The following DRC11 variants were observed in gnomAD, a reference collection of about 807,000 sequenced individuals.
The protein encoded by DRC11 is IQ and AAA domain-containing protein 1.
At chr2:236,331,689 G>A in the DRC11 span, 1 of 913,006 alleles carries the variant, frequency 1.1e-6, no homozygotes, top group Non-Finnish European at 1.7e-6. This position sits in a 1 kb window ranked among gnomAD's most constrained non-coding sequence, Gnocchi z 4.8. Flanking sequence ...ATCTCATCAA[G>A]AAAGGAATAC....
chr2:236,347,363 C>T, the DRC11 span, among the ~76,000 whole-genome samples: 6,177 of 151,916 alleles, frequency 0.041, 411 homozygotes, highest in African/African-American at 0.14. Flanking sequence ...TCCAGCAATC[C>T]CACTACTGTA....
At chr2:236,333,307 G>A in the DRC11 span, 3 of 152,426 alleles carry the variant, frequency 2.0e-5, no homozygotes, top group African/African-American at 4.8e-5. This position sits in a 1 kb window ranked among gnomAD's most constrained non-coding sequence, Gnocchi z 6.0. Flanking sequence ...TTTGTGTAGC[G>A]ATGGATGGCA....
the DRC11 span, among the ~76,000 whole-genome samples, chr2:236,406,880 G>A: frequency 6.6e-6 from 1 of 151,808 alleles, no homozygotes; most frequent in South Asian, 2.1e-4. The surrounding 1 kb of genome is among the most constrained non-coding windows in gnomAD (Gnocchi z 4.7). Flanking sequence ...CAAGTAGCTG[G>A]GACTACAGGC....
At chr2:236,469,645 A>G in the DRC11 span, among the ~76,000 whole-genome samples, 1 of 152,228 alleles carries the variant, frequency 6.6e-6, no homozygotes, top group Admixed American at 6.5e-5. This position sits in a 1 kb window ranked among gnomAD's most constrained non-coding sequence, Gnocchi z 5.8. Flanking sequence ...TGACAAAAAT[A>G]CATTTGGGTA....
the DRC11 span, among the ~76,000 whole-genome samples, chr2:236,315,759 A>G: frequency 6.6e-6 from 1 of 152,202 alleles, no homozygotes; most frequent in Non-Finnish European, 1.5e-5. The surrounding 1 kb of genome is among the most constrained non-coding windows in gnomAD (Gnocchi z 5.1). Context: ...AGGAACAGAA[A>G]ACCAAACACC....
At chr2:236,491,219 GTATA>G in the DRC11 span, among the ~76,000 whole-genome samples, 265 of 19,550 alleles carry the variant, frequency 0.014, 24 homozygotes, top group African/African-American at 0.044. Flanking sequence ...TATACACACA[GTATA>G]TATATATATA....
the DRC11 span, among the ~76,000 whole-genome samples, chr2:236,430,371 A>ATG: frequency 1.3e-5 from 2 of 152,336 alleles, no homozygotes; most frequent in African/African-American, 4.8e-5. The surrounding 1 kb of genome is among the most constrained non-coding windows in gnomAD (Gnocchi z 6.0). Context: ...GTGCACAGAG[A>ATG]TGTACACAGG....
the DRC11 span, among the ~76,000 whole-genome samples, chr2:236,366,939 A>G: frequency 6.7e-6 from 1 of 149,966 alleles, no homozygotes; most frequent in Non-Finnish European, 1.5e-5. Context: ...CCTCCTGAGT[A>G]GCTGGGATTA....
the DRC11 span, among the ~76,000 whole-genome samples, chr2:236,352,343 G>T: frequency 6.6e-6 from 1 of 152,142 alleles, no homozygotes; most frequent in African/African-American, 2.4e-5. This position sits in a 1 kb window ranked among gnomAD's most constrained non-coding sequence, Gnocchi z 7.0. Flanking sequence ...AGCCTGGGGA[G>T]GACGTGGCGC....
the DRC11 span, among the ~76,000 whole-genome samples, chr2:236,347,527 T>TATATATA: frequency 4.8e-5 from 7 of 145,254 alleles, no homozygotes; most frequent in Non-Finnish European, 9.2e-5. Context: ...TATATATATA[T>TATATATA]GATGGAATAC....
At chr2:236,343,629 C>G in the DRC11 span, 2 of 943,178 alleles carry the variant, frequency 2.1e-6, no homozygotes, top group Non-Finnish European at 3.0e-6. This position sits in a 1 kb window ranked among gnomAD's most constrained non-coding sequence, Gnocchi z 6.6. Flanking sequence ...TGAGACGAAA[C>G]ACTGCCCTGC....
At chr2:236,464,880 T>A in the DRC11 span, among the ~76,000 whole-genome samples, 1 of 152,172 alleles carries the variant, frequency 6.6e-6, no homozygotes, top group South Asian at 2.1e-4. Flanking sequence ...CCATTTGACG[T>A]GCCTTCTCCT....
At chr2:236,469,717 T>C in the DRC11 span, among the ~76,000 whole-genome samples, 4 of 152,260 alleles carry the variant, frequency 2.6e-5, no homozygotes, top group African/African-American at 7.2e-5. This position sits in a 1 kb window ranked among gnomAD's most constrained non-coding sequence, Gnocchi z 5.8. Flanking sequence ...TTAGGTCCTA[T>C]GTTAATGAGC....
At chr2:236,419,106 G>C in the DRC11 span, 1 of 1,500,972 alleles carries the variant, frequency 6.7e-7, no homozygotes, top group Non-Finnish European at 8.8e-7. This position sits in a 1 kb window ranked among gnomAD's most constrained non-coding sequence, Gnocchi z 4.8. Flanking sequence ...TCAATAAAAA[G>C]AAAATGAAAT....
chr2:236,477,404 A>C, the DRC11 span, among the ~76,000 whole-genome samples: 2 of 152,238 alleles, frequency 1.3e-5, no homozygotes, highest in African/African-American at 4.8e-5. Flanking sequence ...GAAGTGCATC[A>C]TCATAAAAGT....
chr2:236,491,058 ATACACACAG>A, the DRC11 span, among the ~76,000 whole-genome samples: 1 of 139,238 alleles, frequency 7.2e-6, no homozygotes, highest in African/African-American at 2.8e-5. Flanking sequence ...ATATATATAT[ATACACACAG>A]TATATACCCC....
At chr2:236,502,073 AC>A in the DRC11 span, among the ~76,000 whole-genome samples, 1 of 152,298 alleles carries the variant, frequency 6.6e-6, no homozygotes, top group Non-Finnish European at 1.5e-5. Flanking sequence ...CCACACACCA[AC>A]AAAAAAAGAA....
At chr2:236,427,555 T>C in the DRC11 span, among the ~76,000 whole-genome samples, 5 of 152,108 alleles carry the variant, frequency 3.3e-5, no homozygotes, top group Non-Finnish European at 5.9e-5. This position sits in a 1 kb window ranked among gnomAD's most constrained non-coding sequence, Gnocchi z 5.9. Context: ...TTATTCATAA[T>C]AGTCTCACGA....
chr2:236,486,120 AC>A, the DRC11 span, among the ~76,000 whole-genome samples: 1 of 152,226 alleles, frequency 6.6e-6, no homozygotes, highest in Non-Finnish European at 1.5e-5. This position sits in a 1 kb window ranked among gnomAD's most constrained non-coding sequence, Gnocchi z 5.7. Flanking sequence ...GGAGAAGCAC[AC>A]ATGGCATGGA....
Sources: gnomAD v4.1 joint callset for allele counts (sites outside exome capture counted in the v4.1 genomes callset) on GRCh38, gnomAD v4.1.1 for gene constraint, Gnocchi (gnomAD v3.1) non-coding constraint, MANE v1.5 for transcripts, NCBI Gene and HGNC (gene_info 2026-07-23, HGNC 2026-07-21) for gene names.